The following KCNK2 variants were observed in gnomAD, a reference collection of about 807,000 sequenced individuals.
KCNK2 encodes potassium two pore domain channel subfamily K member 2.
KCNK2 carries 21 observed loss-of-function variants against 40.5 expected under a neutral mutation model. The ratio of observed to expected loss-of-function variants is 0.52; its 90% confidence interval spans 0.37 to 0.75. The LOEUF is 0.75. Among genes scored for constraint, KCNK2 ranks in the 30% least tolerant of loss-of-function variants. The probability of loss-of-function intolerance (pLI) is 0.00; values close to 1 mark genes in which losing one functional copy is unlikely to be tolerated. For missense variants in KCNK2, 399 were observed against 531.6 expected, an observed-to-expected ratio of 0.75 and a Z score of 2.45; for synonymous variants, 191 against 202.2, an observed-to-expected ratio of 0.94 and a Z score of 0.47.
intron 1 of KCNK2, among the ~76,000 whole-genome samples, chr1:215,014,628 ATTG>A (rs1205077769): frequency 6.6e-6 from 1 of 152,042 alleles, no homozygotes; most frequent in African/African-American, 2.4e-5. Context: ...CAAAAAATTG[ATTG>A]TTTATCATGC....
chr1:215,109,163 G>T (rs1202806330), intron 2 of KCNK2, among the ~76,000 whole-genome samples: 1 of 151,882 alleles, frequency 6.6e-6, no homozygotes, highest in Non-Finnish European at 1.5e-5. Context: ...GGGTATTTAG[G>T]ATATCTGTCA....
In KCNK2 at chr1:215,061,749, A is replaced by AT. The variant is rs199975616; in HGVS notation, c.35-24610dup. Among the ~76,000 whole-genome samples the AT allele has an allele frequency of 1.9e-3, 293 of 151,564 alleles. 2 individuals are homozygous for AT. Among genetic ancestry groups the AT allele is most frequent in the African/African-American group, 3.3e-3 (135 of 41,436 alleles). ...TTCAACAGATTTAAAAGGGAAGTAC[A>AT]TTTTTTTTTAAAAAAAATTTCAGAA... On this transcript the variant is annotated intron_variant, in intron 1 of 6. Coordinates refer to the KCNK2 transcript ENST00000391895.
At chr1:215,047,251 C>G (rs928047969) in intron 1 of KCNK2, among the ~76,000 whole-genome samples, 2 of 152,066 alleles carry the variant, frequency 1.3e-5, no homozygotes. Context: ...AAAATAATGT[C>G]TTAATTGAAT....
upstream of KCNK2, among the ~76,000 whole-genome samples, chr1:215,077,796 C>T (rs1207003995): frequency 1.3e-5 from 2 of 152,044 alleles, no homozygotes; most frequent in Non-Finnish European, 2.9e-5. Context: ...CACCCTTGCT[C>T]ATCTCATCTT....
At chr1:215,087,514 T>A (rs1288836244) in intron 2 of KCNK2, among the ~76,000 whole-genome samples, 1 of 152,194 alleles carries the variant, frequency 6.6e-6, no homozygotes, top group Non-Finnish European at 1.5e-5. Context: ...AATTCATTGG[T>A]CAAATCGGGA....
chr1:215,197,515 C>T (rs1664913137), intron 6 of KCNK2, among the ~76,000 whole-genome samples: 1 of 152,142 alleles, frequency 6.6e-6, no homozygotes, highest in Non-Finnish European at 1.5e-5. Flanking sequence ...TAAAAGGACA[C>T]CAGTCCTATC....
chr1:215,058,593 A>G (rs1348494988), intron 1 of KCNK2, among the ~76,000 whole-genome samples: 2 of 152,186 alleles, frequency 1.3e-5, no homozygotes, highest in Admixed American at 6.5e-5. Context: ...CTTCAAAGAT[A>G]AAGTAATCCC....
intron 2 of KCNK2, among the ~76,000 whole-genome samples, chr1:215,112,935 G>A (rs1042073555): frequency 6.6e-6 from 1 of 152,048 alleles, no homozygotes; most frequent in African/African-American, 2.4e-5. Context: ...TCTCACTATC[G>A]CAAACTGACA....
chr1:215,164,275 T>C (rs1663341157), intron 3 of KCNK2, among the ~76,000 whole-genome samples: 1 of 152,208 alleles, frequency 6.6e-6, no homozygotes, highest in East Asian at 1.9e-4. Flanking sequence ...ATCCCCTTTA[T>C]CATTTTTTAT....
chr1:215,118,074 C>A (rs1661025877), intron 2 of KCNK2, among the ~76,000 whole-genome samples: 1 of 152,054 alleles, frequency 6.6e-6, no homozygotes, highest in Non-Finnish European at 1.5e-5. Flanking sequence ...TCAAACCTGC[C>A]AGTCAAGGTT....
At chr1:215,102,470 A>T (rs1398848316) in intron 2 of KCNK2, among the ~76,000 whole-genome samples, 2 of 152,110 alleles carry the variant, frequency 1.3e-5, no homozygotes, top group Non-Finnish European at 2.9e-5. Context: ...ATGTTAAAAA[A>T]AATTTTAAAG....
rs1376636368 is a variant in KCNK2, at chr1:215,104,113, T to C, written c.357+17435T>C. On this transcript the variant is annotated intron_variant, in intron 2 of 6. Transcript: ENST00000444842. ...AGTTGTATCAAAATATATTTTGAAT[T>C]AATTGCATGTAACATTCAAAGGCAT... Among the ~76,000 whole-genome samples, 4 of 152,066 alleles carry C rather than the reference T, an allele frequency of 2.6e-5. No individual in the cohort carries two copies. The South Asian group carries it at 6.2e-4, about 24-fold the overall frequency.
intron 3 of KCNK2, among the ~76,000 whole-genome samples, chr1:215,144,452 G>A (rs1223374500): frequency 2.0e-5 from 3 of 152,284 alleles, no homozygotes; most frequent in Non-Finnish European, 1.5e-5. Context: ...GAGACAGACA[G>A]TAGTTGATGA....
intron 2 of KCNK2, among the ~76,000 whole-genome samples, chr1:215,111,514 T>C (rs1237276581): frequency 6.6e-6 from 1 of 152,138 alleles, no homozygotes; most frequent in Non-Finnish European, 1.5e-5. Context: ...TGTTTTTTTC[T>C]TGTGCTTGAT....
chr1:215,037,598 G>A (rs1657431747), intron 1 of KCNK2, among the ~76,000 whole-genome samples: 1 of 151,930 alleles, frequency 6.6e-6, no homozygotes, highest in Non-Finnish European at 1.5e-5. Context: ...AAAGAGTTGT[G>A]TATATTATTT....
intron 5 of KCNK2, among the ~76,000 whole-genome samples, chr1:215,187,463 A>T (rs1558130435): frequency 1.3e-5 from 2 of 152,200 alleles, no homozygotes. Context: ...AAATCTAAGA[A>T]GTCTTATTAA....
At chr1:215,018,129 C>T (rs1656658642) in intron 1 of KCNK2, among the ~76,000 whole-genome samples, 1 of 151,900 alleles carries the variant, frequency 6.6e-6, no homozygotes, top group African/African-American at 2.4e-5. Context: ...GATATATTTC[C>T]CAGCTATGTC....
At chr1:215,134,383 C>T (rs569994618) in intron 3 of KCNK2, among the ~76,000 whole-genome samples, 1 of 152,178 alleles carries the variant, frequency 6.6e-6, no homozygotes, top group Admixed American at 6.6e-5. Flanking sequence ...GAATAGTTTA[C>T]TGACATTTAC....
intron 2 of KCNK2, among the ~76,000 whole-genome samples, chr1:215,100,835 T>G (rs1396131517): frequency 2.0e-5 from 3 of 152,090 alleles, no homozygotes; most frequent in Non-Finnish European, 4.4e-5. Context: ...CATGTAATTA[T>G]TGCTCAAAAT....
Sources: allele counts gnomAD v4.1 joint callset (sites outside exome capture counted in the v4.1 genomes callset), GRCh38; gene constraint gnomAD v4.1.1; transcripts MANE v1.5; gene names NCBI Gene and HGNC (gene_info 2026-07-23, HGNC 2026-07-21).